The following CYP17A1 variants were observed in gnomAD, a reference collection of about 807,000 sequenced individuals.
CYP17A1 encodes the protein steroid 17-alpha-hydroxylase/17,20 lyase.
CYP17A1 carries 27 observed loss-of-function variants against 38.5 expected under a neutral mutation model. That is an observed-to-expected ratio of 0.70 (90% confidence interval 0.52 to 0.97). CYP17A1 has a LOEUF of 0.97. Among genes scored for constraint, CYP17A1 ranks in the 50% least tolerant of loss-of-function variants. CYP17A1 has a pLI of 0.00. For missense variants in CYP17A1, 549 were observed against 645.9 expected, an observed-to-expected ratio of 0.85 and a Z score of 1.63; for synonymous variants, 263 against 253.3, an observed-to-expected ratio of 1.04 and a Z score of -0.36.
chr10:102,834,314 A>G, intron 3 of CYP17A1, 192 bp from the exon 4 acceptor site: 4 of 613,356 alleles, frequency 6.5e-6, no homozygotes, highest in Non-Finnish European at 1.2e-5. Flanking sequence ...ACAATTCTAA[A>G]CAAGGGAGGA....
At chr10:102,832,822 C>A (rs1180620267) in intron 5 of CYP17A1, 142 bp from the exon 6 acceptor site, 1 of 1,417,300 alleles carries the variant, frequency 7.1e-7, no homozygotes, top group Non-Finnish European at 9.8e-7. Flanking sequence ...GGCCCGGCTT[C>A]CAGAAGATGG....
chr10:102,834,734 G>A (rs778700597), intron 3 of CYP17A1, 51 bp downstream of exon 3: 2 of 1,613,574 alleles, frequency 1.2e-6, no homozygotes, highest in Non-Finnish European at 1.7e-6. Flanking sequence ...GAAGATTGGG[G>A]ACAATGTCAG....
At position 102,835,287 on chromosome 10, in the gene CYP17A1, A is replaced by G. The variant is rs2134084210; in HGVS notation, c.403T>C (p.Phe135Leu). The change falls in exon 2 of 8, where the codon TTC becomes CTC. Residue 135 changes from phenylalanine to leucine, a missense_variant. By Grantham distance (22) the Phe-to-Leu change is conservative. Transcript: ENST00000369887. ...RRLAMATFALFKDGDQKLEKI... is the reference protein window; with the variant it reads ...RRLAMATFALLKDGDQKLEKI... ...TCCAGCTTCTGATCGCCATCCTTGA[A>G]CAGGGCAAAGGTGGCCATCGCCAGC... 4 of 1,613,326 alleles carry G rather than the reference A, an allele frequency of 2.5e-6. No individual in the cohort carries two copies. The East Asian group carries it at 8.9e-5, about 36-fold the overall frequency.
At position 102,834,958 on chromosome 10, in the gene CYP17A1, T is replaced by C. The variant is rs757454955; in HGVS notation, c.493A>G (p.Ile165Val). ...ACGAAGACAGGAAAGGAGATGTCTATGGACTGTCCGTTGTGGGTGGCCAGC... is the reference window on the plus strand; with the variant it reads ...ACGAAGACAGGAAAGGAGATGTCTACGGACTGTCCGTTGTGGGTGGCCAGC... The part of the protein sequence containing the change: ...DMLATHNGQS[I>V]DISFPVFVAV... The change falls in exon 3 of 8, where the codon ATA (isoleucine) becomes GTA (valine). Residue 165 changes from isoleucine to valine, a missense_variant. Coordinates refer to ENST00000369887, the MANE Select transcript of CYP17A1 (RefSeq NM_000102.4). 1.2e-6 allele frequency: 2 copies of C among 1,612,808 alleles called. No individual in the cohort carries two copies. The highest frequency in any genetic ancestry group is 1.7e-6 in the Non-Finnish European group (2 of 1,179,182).
rs372162569 is a variant in CYP17A1, at chr10:102,837,319, A to G, written c.43T>C (p.Leu15=). The change falls in exon 1 of 8, where the codon TTG becomes CTG. Residue 15 remains leucine (L), a synonymous_variant. Coordinates refer to ENST00000369887, the MANE Select transcript of CYP17A1 (RefSeq NM_000102.4). ...GGGCACCTTCTCTTGGGCCAAAACA[A>G]ATAAGCTAGGGTAAGCAGCAAGAGA... The part of the protein sequence containing the change: ...VALLLLTLAY[L]FWPKRRCPGA... 1 of 1,612,744 alleles carries G rather than the reference A, an allele frequency of 6.2e-7. No individual in the cohort carries two copies. Among genetic ancestry groups the G allele is most frequent in the African/African-American group, 1.3e-5 (1 of 74,900 alleles).
intron 3 of CYP17A1, 65 bp downstream of exon 3, chr10:102,834,720 G>A (rs1844136779): frequency 1.9e-6 from 3 of 1,612,658 alleles, no homozygotes; most frequent in South Asian, 1.1e-5. Flanking sequence ...AAGTAAAAAG[G>A]AAGGAAGATT....
At chr10:102,835,181 G>T in intron 2 of CYP17A1, 73 bp downstream of exon 2, 2 of 1,410,574 alleles carry the variant, frequency 1.4e-6, no homozygotes, top group African/African-American at 1.4e-5. Flanking sequence ...CCTTACCCCT[G>T]CCCAACCCTC....
Position 102,835,247 on chromosome 10 carries a change from C to T in CYP17A1, c.436+7G>A, listed in dbSNP as rs1844146007. On this transcript the variant is annotated splice_region_variant and intron_variant, in intron 2 of 7. Coordinates refer to ENST00000369887, the MANE Select transcript of CYP17A1 (RefSeq NM_000102.4). ...GCCCCAGCCCCAGGGGCCAGCCTGG[C>T]ACTCACTGATCTTCTCCAGCTTCTG... 6.2e-7 allele frequency: 1 copy of T among 1,612,204 alleles called. No homozygotes were observed.
In CYP17A1 at chr10:102,834,977, G is replaced by A; in HGVS notation, c.474C>T (p.Ala158=). The change falls in exon 3 of 8, where the codon GCC becomes GCT. Residue 158 remains alanine, a synonymous_variant. Transcript: ENST00000369887. Reference sequence around the variant, plus strand: ...TGTCTATGGACTGTCCGTTGTGGGTGGCCAGCATATCACACAATGTACTGA... The same window carrying A: ...TGTCTATGGACTGTCCGTTGTGGGTAGCCAGCATATCACACAATGTACTGA... The part of the protein sequence containing the change: ...QEISTLCDML[A]THNGQSIDIS... The A allele has an allele frequency of 6.2e-7, 1 of 1,609,274 alleles. No homozygotes were observed. Among genetic ancestry groups the A allele is most frequent in the Non-Finnish European group, 8.5e-7 (1 of 1,177,170 alleles).
Position 102,833,053 on chromosome 10 carries a change from G to C in CYP17A1, c.909C>G (p.Gly303=). 2 of 1,614,162 alleles carry C rather than the reference G, an allele frequency of 1.2e-6. No individual in the cohort carries two copies. The highest frequency in any genetic ancestry group is 1.7e-6 in the Non-Finnish European group (2 of 1,180,028). The change falls in exon 5 of 8, where the codon GGC becomes GGG. Residue 303 remains glycine, a synonymous_variant. Coordinates refer to ENST00000369887, the MANE Select transcript of CYP17A1 (RefSeq NM_000102.4). ...TAACCACAGAGGTGGTGGTCTCCAC[G>C]CCAGCCCCAAAGATGTCCCCTATGG... ...LTTIGDIFGA[G]VETTTSVVKW... is the part of the protein sequence containing the mutation.
chr10:102,831,678 G>A (rs1844091835), intron 6 of CYP17A1, 67 bp from the exon 7 acceptor site: 1 of 1,600,520 alleles, frequency 6.2e-7, no homozygotes, highest in African/African-American at 1.3e-5. Context: ...TCAGCCTCAT[G>A]CCCCCTCATT....
intron 4 of CYP17A1, 198 bp from the exon 5 acceptor site, chr10:102,833,406 C>T (rs1844118731): frequency 1.1e-6 from 1 of 942,256 alleles, no homozygotes; most frequent in East Asian, 2.9e-5. Flanking sequence ...GGTTAGGTCT[C>T]TTCTAGGATC....
chr10:102,831,171 C>T (rs998627748), intron 7 of CYP17A1, among the ~76,000 whole-genome samples, 186 bp from the exon 8 acceptor site: 23 of 149,266 alleles, frequency 1.5e-4, no homozygotes, highest in African/African-American at 5.6e-4. Flanking sequence ...CTTAACGACA[C>T]AGAGGAAATG....
intron 5 of CYP17A1, 145 bp from the exon 6 acceptor site, chr10:102,832,825 G>T: frequency 7.0e-7 from 1 of 1,427,980 alleles, no homozygotes; most frequent in Non-Finnish European, 9.7e-7. Context: ...CCGGCTTCCA[G>T]AAGATGGGGC....
chr10:102,832,738 G>A, intron 5 of CYP17A1, 58 bp from the exon 6 acceptor site: 1 of 1,288,396 alleles, frequency 7.8e-7, no homozygotes, highest in Non-Finnish European at 1.1e-6. Context: ...AGAAGCAAGG[G>A]CTTAGAGAAG....
intron 1 of CYP17A1, among the ~76,000 whole-genome samples, chr10:102,836,144 A>G (rs1411903298): frequency 2.0e-5 from 3 of 152,098 alleles, no homozygotes; most frequent in Admixed American, 6.5e-5. Flanking sequence ...GAAAAAATAA[A>G]CCAACCCTTG....
chr10:102,833,270 C>T, intron 4 of CYP17A1, 62 bp from the exon 5 acceptor site: 1 of 1,612,520 alleles, frequency 6.2e-7, no homozygotes, highest in South Asian at 1.1e-5. Flanking sequence ...ACACTCCTGC[C>T]ATACTTCTGT....
chr10:102,833,146 G>T lies in CYP17A1; in HGVS notation c.816C>A (p.Asn272Lys). 1 of 1,614,160 alleles carries T rather than the reference G, an allele frequency of 6.2e-7. No homozygotes were observed. Among genetic ancestry groups the T allele is most frequent in the South Asian group, 1.1e-5 (1 of 91,088 alleles). The change falls in exon 5 of 8, where the codon AAC becomes AAA. Residue 272 changes from asparagine to lysine, a missense_variant. This residue lies in a region of CYP17A1 where 257 missense variants were observed against 307.9 expected (regional missense o/e 0.83). Transcript: ENST00000369887. The stretch of plus-strand genomic sequence containing the variant: ...CTGGGCCAGCATTGCCATTATCTGA[G>T]TTCATCTTGGCTTGCATCAGTGTGT... ...MLDTLMQAKM[N>K]SDNGNAGPDQ...
rs1844078906 is a variant in CYP17A1 at position 102,830,901 on chromosome 10, A to G, written c.1328T>C (p.Ile443Thr). The part of the protein sequence containing the change: ...LPFGAGPRSC[I>T]GEILARQELF... ...CTCCTGGCGGGCCAGGATCTCACCT[A>G]TACAGGAGCGAGGTCCTGCTCCGAA... is the stretch of plus-strand genomic sequence containing the variant. The change falls in exon 8 of 8, where the codon ATA (isoleucine) becomes ACA (threonine). Residue 443 changes from isoleucine to threonine, a missense_variant. Around this residue, in one of 3 missense-constraint regions of CYP17A1, gnomAD observed 257 missense variants for 307.9 expected, o/e 0.83. Coordinates refer to ENST00000369887, the MANE Select transcript of CYP17A1 (RefSeq NM_000102.4). The surrounding 1 kb of genome is among the most constrained non-coding windows in gnomAD (Gnocchi z 4.1). 4.4e-6 allele frequency: 7 copies of G among 1,574,360 alleles called. No homozygotes were observed. The highest frequency in any genetic ancestry group is 6.1e-6 in the Non-Finnish European group (7 of 1,154,608).
Sources: gnomAD v4.1 joint callset for allele counts (sites outside exome capture counted in the v4.1 genomes callset) on GRCh38, gnomAD v4.1.1 for gene constraint, gnomAD v4.1.1 regional missense constraint, Gnocchi (gnomAD v3.1) non-coding constraint, MANE v1.5 for transcripts, NCBI Gene and HGNC (gene_info 2026-07-23, HGNC 2026-07-21) for gene names.